Variants in ERI1 observed in about 807,000 individuals in gnomAD.
ERI1 encodes the protein 3'-5' exoribonuclease 1.
A neutral mutation model predicts 39.7 loss-of-function variants in ERI1; 39 were observed. The ratio of observed to expected loss-of-function variants is 0.98; its 90% CI spans 0.76 to 1.28. ERI1 has a LOEUF of 1.28. Ranked by LOEUF, ERI1 falls within the 50% of genes most tolerant of loss-of-function variation. The probability of loss-of-function intolerance (pLI) is 0.00; values close to 1 mark genes in which losing one functional copy is unlikely to be tolerated. For missense variants in ERI1, 581 were observed against 416.9 expected (o/e 1.39, Z -3.43); for synonymous variants, 204 against 149.6 (o/e 1.36, Z -2.65).
intron 3 of ERI1, among the ~76,000 whole-genome samples, chr8:9,043,489 T>G (rs142938668): frequency 1.1e-3 from 161 of 152,358 alleles, no homozygotes; most frequent in African/African-American, 3.7e-3. Context: ...CAGGAACATC[T>G]CTTATGGAAG....
intron 3 of ERI1, among the ~76,000 whole-genome samples, chr8:9,089,523 TG>T (rs1260388618): frequency 6.6e-6 from 1 of 152,152 alleles, no homozygotes; most frequent in Non-Finnish European, 1.5e-5. Flanking sequence ...GTCCCCTAGA[TG>T]ATGCAAACTT....
intron 3 of ERI1, among the ~76,000 whole-genome samples, chr8:9,078,114 C>T (rs1421419245): frequency 3.3e-5 from 5 of 152,132 alleles, no homozygotes; most frequent in East Asian, 1.9e-4. Context: ...CTCAGCCTCC[C>T]GAGTAGCTGG....
At position 9,032,892 on chromosome 8, in the gene ERI1, G is replaced by A. The variant is rs1319791448; in HGVS notation, c.*2858G>A. 6.6e-6 allele frequency: 1 copy of A among 152,176 alleles called. No homozygotes were observed. The highest frequency in any genetic ancestry group is 1.5e-5 in the Non-Finnish European group (1 of 68,024). 9.4% of individuals were successfully genotyped at this position (152,176 alleles called of 1,614,324 possible). A position where few individuals can be genotyped will look rare whatever the true frequency, so the allele number is the denominator to read the frequency against. On this transcript the variant is annotated 3_prime_UTR_variant, in exon 7 of 7. Coordinates refer to ENST00000250263, the MANE Select transcript of ERI1 (RefSeq NM_153332.4). ...TGCATTGTCAAAGTCTGAGAAGGAT[G>A]TATTGTACTTTGAAGGAAGACTTTC...
intron 3 of ERI1, among the ~76,000 whole-genome samples, chr8:9,083,480 A>G (rs1025779762): frequency 6.6e-6 from 1 of 152,190 alleles, no homozygotes; most frequent in Non-Finnish European, 1.5e-5. Context: ...AAATTTAAAC[A>G]TATACCAAAG....
chr8:9,016,191 T>G, intron 3 of ERI1, 131 bp from the exon 4 acceptor site: 1 of 454,342 alleles, frequency 2.2e-6, no homozygotes, highest in Non-Finnish European at 4.0e-6. Context: ...GGAATTATTC[T>G]TAAAAACTGG....
intron 3 of ERI1, among the ~76,000 whole-genome samples, chr8:9,097,666 C>CAAAAA (rs11380594): frequency 1.0e-5 from 1 of 96,744 alleles, no homozygotes; most frequent in African/African-American, 3.5e-5. Context: ...GACACTCTGT[C>CAAAAA]AAAAAAAAAA....
intron 1 of ERI1, among the ~76,000 whole-genome samples, chr8:9,006,220 G>A (rs1002657096): frequency 6.6e-6 from 1 of 152,166 alleles, no homozygotes; most frequent in Non-Finnish European, 1.5e-5. Context: ...TTGAAATTTG[G>A]GAGGAGACAC....
chr8:9,069,949 C>G (rs186986389), intron 3 of ERI1, among the ~76,000 whole-genome samples: 81 of 152,208 alleles, frequency 5.3e-4, no homozygotes, highest in Non-Finnish European at 4.3e-4. Flanking sequence ...TTTAAATAGT[C>G]TATTATGGCT....
chr8:9,013,344 A>T (rs1041714014), intron 3 of ERI1, among the ~76,000 whole-genome samples: 1 of 143,124 alleles, frequency 7.0e-6, no homozygotes, highest in South Asian at 2.3e-4. Context: ...AAAAAAAAAA[A>T]TTAACACTGC....
rs1797604914 is a variant in ERI1, at chr8:9,031,746, C to G, written c.*1712C>G. 6.6e-6 allele frequency: 1 copy of G among 152,146 alleles called. No homozygotes were observed. Among genetic ancestry groups the G allele is most frequent in the Non-Finnish European group, 1.5e-5 (1 of 68,024 alleles). The allele number at this position is 152,146 out of a possible 1,614,324, so 9.4% of individuals were successfully genotyped here. A position where few individuals can be genotyped will look rare whatever the true frequency, so the allele number is the denominator to read the frequency against. ...TAAGAACTTCAACATTATAAGCTCT[C>G]AGTACCCTATTTTGTTGTTGTTGTT... is the stretch of plus-strand genomic sequence containing the variant. On this transcript the variant is annotated 3_prime_UTR_variant, in exon 7 of 7. Coordinates refer to ENST00000250263, the MANE Select transcript of ERI1 (RefSeq NM_153332.4).
intron 5 of ERI1, 21 bp downstream of exon 5, chr8:9,018,427 T>C (rs1817530413): frequency 7.7e-7 from 1 of 1,306,572 alleles, no homozygotes; most frequent in East Asian, 2.3e-5. Context: ...AGGAAGATTA[T>C]TTTTTTATAT....
rs142069446 is a variant in ERI1, at chr8:9,032,056, G to C, written c.*2022G>C. ...ACTGCGCTCAGCCATAGATTTTACT[G>C]TCTTAACCCATTTTAATTCCTCTGT... On this transcript the variant is annotated 3_prime_UTR_variant, in exon 7 of 7. Coordinates refer to ENST00000250263, the MANE Select transcript of ERI1 (RefSeq NM_153332.4). 3 of 152,218 alleles carry C rather than the reference G, an allele frequency of 2.0e-5. No homozygotes were observed. The highest frequency in any genetic ancestry group is 7.2e-5 in the African/African-American group (3 of 41,518). 9.4% of individuals were successfully genotyped at this position (152,218 alleles called of 1,614,324 possible).
At chr8:9,028,628 T>G (rs945941502) in intron 6 of ERI1, among the ~76,000 whole-genome samples, 1 of 152,142 alleles carries the variant, frequency 6.6e-6, no homozygotes, top group African/African-American at 2.4e-5. Flanking sequence ...TAACAATTTT[T>G]TTTTTCTTTT....
chr8:9,081,357 T>C (rs1450853237), intron 3 of ERI1, among the ~76,000 whole-genome samples: 2 of 152,232 alleles, frequency 1.3e-5, no homozygotes, highest in East Asian at 1.9e-4. Context: ...TGAAACAAGA[T>C]TGGCTGTGCA....
intron 2 of ERI1, among the ~76,000 whole-genome samples, chr8:9,010,359 A>G (rs1049517367): frequency 2.0e-5 from 3 of 152,238 alleles, no homozygotes; most frequent in Non-Finnish European, 2.9e-5. Context: ...AAGCTGTCAC[A>G]TGACACAGAG....
Position 9,029,777 on chromosome 8 carries a change from C to G in ERI1, c.808-15C>G. On this transcript the variant is annotated splice_polypyrimidine_tract_variant and intron_variant, in intron 6 of 6. Transcript: ENST00000250263. ...GAACACCAAAGAATTATTTACTAAG[C>G]TGTTTATTTTTCAGGTTCCTAGAAG... 6.2e-7 allele frequency: 1 copy of G among 1,613,726 alleles called. No homozygotes were observed. The highest frequency in any genetic ancestry group is 8.5e-7 in the Non-Finnish European group (1 of 1,179,722).
downstream of ERI1, among the ~76,000 whole-genome samples, chr8:9,035,862 G>C (rs1797827407): frequency 6.6e-6 from 1 of 152,184 alleles, no homozygotes; most frequent in Admixed American, 6.5e-5. Context: ...ACAAGCATTT[G>C]TGATTCGTGA....
chr8:9,048,420 C>G (rs955950513), intron 3 of ERI1: 1 of 154,366 alleles, frequency 6.5e-6, no homozygotes, highest in Non-Finnish European at 1.5e-5. Context: ...TAAAAAACGT[C>G]CTTAAGAAGA....
chr8:9,031,364 G>C lies in ERI1; in HGVS notation c.*1330G>C, dbSNP rs1797575967. On this transcript the variant is annotated 3_prime_UTR_variant, in exon 7 of 7. Coordinates refer to ENST00000250263, the MANE Select transcript of ERI1 (RefSeq NM_153332.4). ...AATGAATTTCTGCTTTTCAGCAGTA[G>C]TCATATAATCAGTATCATAAAGAAT... 6.6e-6 allele frequency: 1 copy of C among 152,204 alleles called. No homozygotes were observed. The allele number at this position is 152,204 out of a possible 1,614,324, so 9.4% of individuals were successfully genotyped here.
Sources: gnomAD v4.1 joint callset for allele counts (sites outside exome capture counted in the v4.1 genomes callset) on GRCh38, gnomAD v4.1.1 for gene constraint, MANE v1.5 for transcripts, NCBI Gene and HGNC (gene_info 2026-07-23, HGNC 2026-07-21) for gene names.